STIM2: variants seen among roughly 807,000 people sequenced by gnomAD.
The protein encoded by STIM2 is stromal interaction molecule 2.
In STIM2, 31 loss-of-function variants were observed where a neutral mutation model predicts 85.8. The observed-to-expected ratio is 0.36, with a 90% confidence interval of 0.27 to 0.49. The LOEUF is 0.49. Among genes scored for constraint, STIM2 ranks in the 20% least tolerant of loss-of-function variants. The pLI, the probability that STIM2 is intolerant of heterozygous loss-of-function variation, is 0.98. For missense variants in STIM2, 841 were observed against 927.6 expected (o/e 0.91, Z 1.21); for synonymous variants, 356 against 331.1 (o/e 1.08, Z -0.82).
chr4:26,887,705 A>G (rs1723311752), intron 1 of STIM2, among the ~76,000 whole-genome samples: 2 of 152,320 alleles, frequency 1.3e-5, no homozygotes, highest in South Asian at 4.1e-4. Context: ...GTATATGTTC[A>G]TTATTACAAA....
At chr4:26,910,449 C>T (rs902362799) in intron 1 of STIM2, among the ~76,000 whole-genome samples, 8 of 151,652 alleles carry the variant, frequency 5.3e-5, no homozygotes, top group African/African-American at 1.7e-4. Flanking sequence ...GCCTGAACTC[C>T]GGAGGCAGAG....
At chr4:26,998,975 T>A (rs1375017789) in intron 4 of STIM2, among the ~76,000 whole-genome samples, 1 of 151,974 alleles carries the variant, frequency 6.6e-6, no homozygotes, top group Non-Finnish European at 1.5e-5. Context: ...TAACAGAAAG[T>A]AACCTTAGAA....
chr4:26,892,286 A>G (rs1560197308), intron 1 of STIM2, among the ~76,000 whole-genome samples: 2 of 152,210 alleles, frequency 1.3e-5, no homozygotes, highest in Non-Finnish European at 1.5e-5. Flanking sequence ...ACAGCTCTGG[A>G]GGCTGAGAAA....
chr4:26,927,680 T>TAAAAA, intron 2 of STIM2, among the ~76,000 whole-genome samples: 1 of 23,466 alleles, frequency 4.3e-5, no homozygotes, highest in Non-Finnish European at 8.3e-5. Flanking sequence ...TAGAGTATAA[T>TAAAAA]AAAAAAAAAA....
intron 3 of STIM2, among the ~76,000 whole-genome samples, chr4:26,979,926 C>A (rs1235435113): frequency 6.6e-6 from 1 of 151,906 alleles, no homozygotes; most frequent in African/African-American, 2.4e-5. Context: ...TTCTATTTTT[C>A]TTTTTTATTT....
Position 26,860,872 on chromosome 4 carries a change from C to A in STIM2, c.-347C>A. The A allele has an allele frequency of 1.1e-6, 1 of 892,934 alleles. No homozygotes were observed. Among genetic ancestry groups the A allele is most frequent in the Non-Finnish European group, 1.4e-6 (1 of 731,522 alleles). 55.3% of individuals were successfully genotyped at this position (892,934 alleles called of 1,614,324 possible). A position where few individuals can be genotyped will look rare whatever the true frequency, so the allele number is the denominator to read the frequency against. ...GCGGATCCCGGTCTCGCCGCAGCAG[C>A]AGCGCGGGTGTCGTGCACCGCCTGA... On this transcript the variant is annotated 5_prime_UTR_variant, in exon 1 of 12. Coordinates refer to ENST00000467087, the MANE Select transcript of STIM2 (RefSeq NM_020860.4).
chr4:27,010,316 C>T (rs574206852), intron 10 of STIM2, among the ~76,000 whole-genome samples: 10 of 151,936 alleles, frequency 6.6e-5, no homozygotes, highest in South Asian at 2.1e-4. Flanking sequence ...TGGTGGTGTG[C>T]GCCTGTAATC....
At chr4:26,968,988 T>C (rs750120618) in intron 3 of STIM2, among the ~76,000 whole-genome samples, 1 of 152,238 alleles carries the variant, frequency 6.6e-6, no homozygotes, top group African/African-American at 2.4e-5. Context: ...TTGTTTTATG[T>C]CAGCCTTATT....
intron 2 of STIM2, among the ~76,000 whole-genome samples, chr4:26,928,088 T>G (rs1474021633): frequency 6.6e-6 from 1 of 151,846 alleles, no homozygotes; most frequent in Non-Finnish European, 1.5e-5. Flanking sequence ...GAGGACTGTT[T>G]TCTTTTTATG....
At chr4:27,009,730 A>G (rs1356732131) in intron 10 of STIM2, among the ~76,000 whole-genome samples, 1 of 152,234 alleles carries the variant, frequency 6.6e-6, no homozygotes, top group African/African-American at 2.4e-5. Context: ...CTGCAAGGTC[A>G]TGACGGTTGC....
intron 1 of STIM2, among the ~76,000 whole-genome samples, chr4:26,914,600 A>G (rs1724464132): frequency 6.6e-6 from 1 of 152,214 alleles, no homozygotes; most frequent in Non-Finnish European, 1.5e-5. Context: ...TGCTACATAA[A>G]TGAATTGTAT....
At position 27,023,078 on chromosome 4, in the gene STIM2, G is replaced by GT; in HGVS notation, c.*85dup. 7.1e-7 allele frequency: 1 copy of GT among 1,401,444 alleles called. No individual in the cohort carries two copies. Among genetic ancestry groups the GT allele is most frequent in the Non-Finnish European group, 9.6e-7 (1 of 1,036,490 alleles). 86.8% of individuals were successfully genotyped at this position (1,401,444 alleles called of 1,614,324 possible). A position where few individuals can be genotyped will look rare whatever the true frequency, so the allele number is the denominator to read the frequency against. On this transcript the variant is annotated 3_prime_UTR_variant, in exon 12 of 12. Transcript: ENST00000467087. ...CCCTCCACTCCCCACCTTTTTTTTG[G>GT]TTTAATTTTAGGAATGTAACTCCAT...
At chr4:26,915,246 A>G (rs1724492036) in intron 1 of STIM2, among the ~76,000 whole-genome samples, 2 of 151,962 alleles carry the variant, frequency 1.3e-5, no homozygotes, top group Non-Finnish European at 2.9e-5. Flanking sequence ...ATTTATATAT[A>G]TTTTTTGAGA....
intron 3 of STIM2, among the ~76,000 whole-genome samples, chr4:26,987,347 C>T (rs1351828776): frequency 1.3e-5 from 2 of 152,138 alleles, no homozygotes; most frequent in Non-Finnish European, 2.9e-5. Flanking sequence ...GAAAGGGAAA[C>T]TGGGTGCAGA....
intron 2 of STIM2, among the ~76,000 whole-genome samples, chr4:26,946,734 C>T (rs1204091783): frequency 6.6e-6 from 1 of 152,190 alleles, no homozygotes; most frequent in Non-Finnish European, 1.5e-5. Flanking sequence ...AAAAAGGATG[C>T]ATAGACATAA....
At chr4:26,981,492 A>G (rs1481256954) in intron 3 of STIM2, among the ~76,000 whole-genome samples, 1 of 152,190 alleles carries the variant, frequency 6.6e-6, no homozygotes, top group African/African-American at 2.4e-5. Flanking sequence ...GTGATTTCAA[A>G]TTTAGAGAAA....
intron 1 of STIM2, among the ~76,000 whole-genome samples, chr4:26,884,898 T>A (rs1723158184): frequency 1.3e-5 from 2 of 152,204 alleles, no homozygotes; most frequent in African/African-American, 4.8e-5. Flanking sequence ...TGAGACAGAA[T>A]TCTCACAACA....
At chr4:26,884,943 G>C (rs1723159496) in intron 1 of STIM2, among the ~76,000 whole-genome samples, 1 of 152,168 alleles carries the variant, frequency 6.6e-6, no homozygotes, top group Non-Finnish European at 1.5e-5. Flanking sequence ...CTTGCCTCTT[G>C]AGTAATTGAA....
At chr4:27,003,222 A>G in intron 7 of STIM2, 118 bp downstream of exon 7, 1 of 933,122 alleles carries the variant, frequency 1.1e-6, no homozygotes, top group South Asian at 2.0e-5. Context: ...CTCAGTTGAT[A>G]AAAGACTCAT....
Sources: allele counts gnomAD v4.1 joint callset (sites outside exome capture counted in the v4.1 genomes callset), GRCh38; gene constraint gnomAD v4.1.1; transcripts MANE v1.5; gene names NCBI Gene and HGNC (gene_info 2026-07-23, HGNC 2026-07-21).